ADGRV1: variants seen among roughly 807,000 people sequenced by gnomAD.
ADGRV1 encodes the protein G-protein coupled receptor 98.
Under a neutral mutation model 596.2 loss-of-function variants are expected in ADGRV1, and 359 were observed. The ratio of observed to expected loss-of-function variants is 0.60; its 90% CI spans 0.55 to 0.66. ADGRV1 has a LOEUF of 0.66. Among genes scored for constraint, ADGRV1 ranks in the 30% least tolerant of loss-of-function variants. The probability of loss-of-function intolerance (pLI) is 0.00; values close to 1 mark genes in which losing one functional copy is unlikely to be tolerated. For synonymous variants in ADGRV1, 2,681 were observed against 2,679.2 expected, an observed-to-expected ratio of 1.00 and a Z score of -0.02; for missense variants, 7,274 against 7,575.6, an observed-to-expected ratio of 0.96 and a Z score of 1.48.
chr5:91,059,593 C>T (rs1004336472), intron 85 of ADGRV1, among the ~76,000 whole-genome samples: 1 of 152,174 alleles, frequency 6.6e-6, no homozygotes, highest in African/African-American at 2.4e-5. Flanking sequence ...AATGTTGCCT[C>T]TACATATGTA....
intron 83 of ADGRV1, among the ~76,000 whole-genome samples, chr5:90,877,391 G>A (rs1769317848): frequency 6.6e-6 from 1 of 152,162 alleles, no homozygotes; most frequent in South Asian, 2.1e-4. Context: ...GATGTATGGA[G>A]GAGCAACAGA....
chr5:90,679,556 A>T lies in ADGRV1; in HGVS notation c.5451A>T (p.Glu1817Asp). The T allele has an allele frequency of 1.9e-6, 3 of 1,612,044 alleles. No homozygotes were observed. The highest frequency in any genetic ancestry group is 2.5e-6 in the Non-Finnish European group (3 of 1,178,678). The change falls in exon 26 of 90, where the codon GAA (glutamate) becomes GAT (aspartate). Residue 1817 changes from glutamate to aspartate, a missense_variant. This residue lies in a region of ADGRV1 where 3,643 missense variants were observed against 3,809.2 expected (regional missense o/e 0.96). Coordinates refer to ENST00000405460, the MANE Select transcript of ADGRV1 (RefSeq NM_032119.4). ...ELLNLEGGVA[E>D]LFRVDGSGSG... Reference sequence around the variant, plus strand: ...CTGTGTCTCCTTGTGAAGTAGCTGAACTCTTTAGGGTTGATGGAAGTGGTA... The same window carrying T: ...CTGTGTCTCCTTGTGAAGTAGCTGATCTCTTTAGGGTTGATGGAAGTGGTA...
chr5:91,016,750 G>T (rs1252846007), intron 85 of ADGRV1, among the ~76,000 whole-genome samples: 2 of 151,796 alleles, frequency 1.3e-5, no homozygotes, highest in African/African-American at 4.8e-5. Flanking sequence ...TCATTTTTTT[G>T]TTGTTCATCA....
At position 90,855,866 on chromosome 5, in the gene ADGRV1, A is replaced by G; in HGVS notation, c.17720A>G (p.Glu5907Gly). 6.2e-7 allele frequency: 1 copy of G among 1,613,306 alleles called. No individual in the cohort carries two copies. The highest frequency in any genetic ancestry group is 1.1e-5 in the South Asian group (1 of 91,024). ...ARTDNLSSYN[E>G]AFFTSGFICI... ...ACTGACAACTTGTCTTCATACAATG[A>G]AGCCTTCTTCACTTCTGGATTTATA... Residue 5907 changes from glutamate (E) to glycine (G), a missense_variant, in exon 82 of 90, where the codon GAA becomes GGA. Glu to Gly is a moderately conservative substitution (Grantham distance 98, BLOSUM62 -2). Coordinates refer to ENST00000405460, the MANE Select transcript of ADGRV1 (RefSeq NM_032119.4).
chr5:90,683,171 T>C (rs569960789), intron 27 of ADGRV1, among the ~76,000 whole-genome samples: 1 of 152,308 alleles, frequency 6.6e-6, no homozygotes, highest in South Asian at 2.1e-4. Flanking sequence ...CATCAATTTA[T>C]AGTTTCATGC....
At chr5:90,970,948 A>G (rs1394702666) in intron 84 of ADGRV1, among the ~76,000 whole-genome samples, 1 of 152,184 alleles carries the variant, frequency 6.6e-6, no homozygotes, top group Non-Finnish European at 1.5e-5. Flanking sequence ...AAGAAGCTAA[A>G]AACCTTGAAA....
At chr5:90,988,007 T>C (rs773326819) in intron 85 of ADGRV1, among the ~76,000 whole-genome samples, 4 of 152,164 alleles carry the variant, frequency 2.6e-5, no homozygotes, top group Non-Finnish European at 5.9e-5. Flanking sequence ...ACTCTCAGCA[T>C]CTTTCCTCAT....
intron 84 of ADGRV1, among the ~76,000 whole-genome samples, chr5:90,984,324 G>A (rs1780317357): frequency 6.6e-6 from 1 of 152,102 alleles, no homozygotes; most frequent in Admixed American, 6.5e-5. Context: ...AAATATGTAT[G>A]GCATGGCATT....
chr5:90,823,889 C>G (rs372094774), intron 76 of ADGRV1, among the ~76,000 whole-genome samples: 2 of 152,052 alleles, frequency 1.3e-5, no homozygotes, highest in East Asian at 1.9e-4. Flanking sequence ...CAATTCTTTC[C>G]TTTTCTAGAA....
intron 62 of ADGRV1, 116 bp downstream of exon 62, chr5:90,778,159 G>T: frequency 8.4e-7 from 1 of 1,195,886 alleles, no homozygotes. Context: ...AGAAGTGGGG[G>T]ATGGGGAGGA....
intron 1 of ADGRV1, among the ~76,000 whole-genome samples, chr5:90,564,382 A>G (rs1755261977): frequency 6.6e-6 from 1 of 152,128 alleles, no homozygotes; most frequent in Non-Finnish European, 1.5e-5. Flanking sequence ...GGTGGAAGAG[A>G]GGGAGTGGAA....
intron 83 of ADGRV1, among the ~76,000 whole-genome samples, chr5:90,914,799 T>C (rs1010204867): frequency 1.3e-5 from 2 of 152,210 alleles, no homozygotes; most frequent in African/African-American, 4.8e-5. Flanking sequence ...AACCTGTTTT[T>C]CAACATTCCT....
At chr5:90,747,561 C>T (rs1291548696) in intron 52 of ADGRV1, among the ~76,000 whole-genome samples, 1 of 152,094 alleles carries the variant, frequency 6.6e-6, no homozygotes, top group African/African-American at 2.4e-5. Context: ...ACTTAATTCC[C>T]CAGCATTGAG....
At chr5:90,654,970 G>A (rs10058765) in intron 20 of ADGRV1, 76,288 of 151,944 alleles carry the variant, frequency 0.5, 19,659 homozygotes, top group East Asian at 0.8. Flanking sequence ...ACTTACTGCA[G>A]AGGAACTTGT....
intron 86 of ADGRV1, among the ~76,000 whole-genome samples, chr5:91,078,854 G>A (rs970930490): frequency 6.6e-6 from 1 of 152,232 alleles, no homozygotes; most frequent in Admixed American, 6.5e-5. Flanking sequence ...ATTATTTTAA[G>A]TCACTAAGTT....
At chr5:90,924,697 A>C (rs889674181) in intron 83 of ADGRV1, among the ~76,000 whole-genome samples, 3 of 152,060 alleles carry the variant, frequency 2.0e-5, no homozygotes, top group Non-Finnish European at 4.4e-5. Context: ...TTGGACATGA[A>C]GTCCTTGCCC....
chr5:90,769,039 T>C (rs990679975), intron 59 of ADGRV1, among the ~76,000 whole-genome samples: 1 of 152,188 alleles, frequency 6.6e-6, no homozygotes, highest in Non-Finnish European at 1.5e-5. Context: ...GCAGTCATTG[T>C]GTATGGACCA....
Position 91,150,870 on chromosome 5 carries a change from C to T in ADGRV1, c.18624+649C>T, listed in dbSNP as rs370543847. Among the ~76,000 whole-genome samples the T allele has an allele frequency of 2.0e-4, 31 of 152,254 alleles. 1 individual carries two copies. The South Asian group carries it at 6.2e-3, about 31-fold the overall frequency. On this transcript the variant is annotated intron_variant, in intron 88 of 89. Transcript: ENST00000405460. ...TCCTGTGTGTGAATCCCATTGCCAC[C>T]AGCTTGTCAGTAATGCTGCCCCTAG... is the stretch of plus-strand genomic sequence containing the variant.
At chr5:91,160,412 C>T (rs902919137) in intron 89 of ADGRV1, among the ~76,000 whole-genome samples, 2 of 152,130 alleles carry the variant, frequency 1.3e-5, no homozygotes, top group African/African-American at 4.8e-5. Flanking sequence ...GGATCATTGT[C>T]ACATTGATGT....
Sources: allele counts gnomAD v4.1 joint callset (sites outside exome capture counted in the v4.1 genomes callset), GRCh38; gene constraint gnomAD v4.1.1; regional missense constraint gnomAD v4.1.1; transcripts MANE v1.5; gene names NCBI Gene and HGNC (gene_info 2026-07-23, HGNC 2026-07-21).